RAB2A: variants seen among roughly 807,000 people sequenced by gnomAD.
The protein encoded by RAB2A is RAB2A, member RAS oncogene family.
In RAB2A, 7 loss-of-function variants were observed where a neutral mutation model predicts 32.5. That is an observed-to-expected ratio of 0.22 (90% confidence interval 0.12 to 0.40). The LOEUF is 0.40. RAB2A is among the 10% of genes least tolerant of loss of function. RAB2A has a pLI of 1.00. For synonymous variants in RAB2A, 79 were observed against 85.2 expected, an observed-to-expected ratio of 0.93 and a Z score of 0.40; for missense variants, 108 against 260.7, an observed-to-expected ratio of 0.41 and a Z score of 4.03.
chr8:60,607,176 TC>T (rs1315150605), intron 6 of RAB2A, among the ~76,000 whole-genome samples: 1 of 148,572 alleles, frequency 6.7e-6, no homozygotes, highest in Non-Finnish European at 1.5e-5. Flanking sequence ...ACACCTGTAA[TC>T]CCAGCACTTT....
At chr8:60,539,985 A>G (rs1394648273) in intron 1 of RAB2A, among the ~76,000 whole-genome samples, 1 of 151,898 alleles carries the variant, frequency 6.6e-6, no homozygotes, top group Admixed American at 6.6e-5. Context: ...TGGTGGACCT[A>G]GGGAGGTACA....
At chr8:60,612,467 CA>C (rs1804367940) in intron 6 of RAB2A, among the ~76,000 whole-genome samples, 1 of 151,992 alleles carries the variant, frequency 6.6e-6, no homozygotes, top group Non-Finnish European at 1.5e-5. Flanking sequence ...CCTAGAAATC[CA>C]ATATAATTTC....
At chr8:60,605,987 A>C (rs1445433456) in intron 6 of RAB2A, among the ~76,000 whole-genome samples, 2 of 152,114 alleles carry the variant, frequency 1.3e-5, no homozygotes, top group Admixed American at 1.3e-4. Flanking sequence ...CATCTGTACT[A>C]AAAATACAAA....
intron 7 of RAB2A, among the ~76,000 whole-genome samples, chr8:60,620,188 TG>T (rs1432685636): frequency 6.6e-6 from 1 of 152,252 alleles, no homozygotes; most frequent in African/African-American, 2.4e-5. Context: ...ACTCTGTGTG[TG>T]GGTTCTTGGC....
chr8:60,571,955 A>G, intron 2 of RAB2A, 91 bp from the exon 3 acceptor site: 1 of 843,614 alleles, frequency 1.2e-6, no homozygotes, highest in South Asian at 1.6e-5. Flanking sequence ...CTAGCATAGC[A>G]TGTCTTGGAA....
rs202149842 is a variant in RAB2A at position 60,568,522 on chromosome 8, AG to A, written c.119-3523del. On this transcript the variant is annotated intron_variant, in intron 2 of 7. Coordinates refer to ENST00000262646, the MANE Select transcript of RAB2A (RefSeq NM_002865.3). Reference sequence around the variant, plus strand: ...TTTAATCTTAAAAAAAAATCTCATGAGATAGGTATTATGAATACCATTTTAC... The same window carrying A: ...TTTAATCTTAAAAAAAAATCTCATGAATAGGTATTATGAATACCATTTTAC... 3.6e-3 allele frequency among the ~76,000 whole-genome samples: 548 copies of A among 152,354 alleles called. 9 individuals carry two copies. The highest frequency in any genetic ancestry group is 2.7e-3 in the Non-Finnish European group (186 of 68,038).
chr8:60,526,026 T>TAC (rs1322135583), intron 1 of RAB2A, among the ~76,000 whole-genome samples: 29 of 67,792 alleles, frequency 4.3e-4, no homozygotes, highest in African/African-American at 1.9e-3. Context: ...TGTACATATA[T>TAC]ATATATATAT....
At chr8:60,544,534 AT>A (rs989815863) in intron 1 of RAB2A, among the ~76,000 whole-genome samples, 18 of 120,232 alleles carry the variant, frequency 1.5e-4, no homozygotes, top group Admixed American at 4.1e-4. Context: ...TAGGAATGCT[AT>A]TTTTTTTCCC....
In RAB2A at chr8:60,622,352, A is replaced by G. The variant is rs1804541534; in HGVS notation, c.*1583A>G. On this transcript the variant is annotated 3_prime_UTR_variant, in exon 8 of 8. Transcript: ENST00000262646. Reference sequence around the variant, plus strand: ...AGCAGTACTCTCTCAAAGGTTTGACAGTACTCTTGTGGGAAATCACCAAAT... The same window carrying G: ...AGCAGTACTCTCTCAAAGGTTTGACGGTACTCTTGTGGGAAATCACCAAAT... 1.3e-5 allele frequency: 2 copies of G among 152,244 alleles called. No homozygotes were observed. Among genetic ancestry groups the G allele is most frequent in the South Asian group, 4.1e-4 (2 of 4,832 alleles). 9.4% of individuals were successfully genotyped at this position (152,244 alleles called of 1,614,324 possible).
At chr8:60,606,951 G>C (rs747235539) in intron 6 of RAB2A, among the ~76,000 whole-genome samples, 1 of 152,148 alleles carries the variant, frequency 6.6e-6, no homozygotes, top group Non-Finnish European at 1.5e-5. Flanking sequence ...CGGGGGATGC[G>C]TAACATCTCT....
At chr8:60,532,321 C>G (rs796196001) in intron 1 of RAB2A, among the ~76,000 whole-genome samples, 1 of 152,100 alleles carries the variant, frequency 6.6e-6, no homozygotes, top group African/African-American at 2.4e-5. Context: ...GTATATGTGT[C>G]CCAAATTATT....
At chr8:60,588,248 A>G (rs1225783534) in intron 5 of RAB2A, among the ~76,000 whole-genome samples, 1 of 152,182 alleles carries the variant, frequency 6.6e-6, no homozygotes, top group Non-Finnish European at 1.5e-5. Flanking sequence ...ATGCCACTGT[A>G]TTCCAGCCTA....
Position 60,540,319 on chromosome 8 carries a change from G to T in RAB2A, c.47-18533G>T, listed in dbSNP as rs78026474. On this transcript the variant is annotated intron_variant, in intron 1 of 7. Coordinates refer to ENST00000262646, the MANE Select transcript of RAB2A (RefSeq NM_002865.3). ...GTTCCTAGAGGCCTTGTCTAAGGCA[G>T]TGGTAATGAAAATAAAAGGAGGTTA... 1.4e-3 allele frequency among the ~76,000 whole-genome samples: 212 copies of T among 152,020 alleles called. 3 individuals are homozygous for T. In the East Asian group the frequency reaches 0.031, roughly 22 times the overall value.
intron 3 of RAB2A, among the ~76,000 whole-genome samples, chr8:60,582,785 G>T (rs1803783250): frequency 6.6e-6 from 1 of 152,092 alleles, no homozygotes. Context: ...TCAGACCTTG[G>T]CAGTGACCTT....
chr8:60,558,601 C>A (rs1807973362), intron 1 of RAB2A: 2 of 521,962 alleles, frequency 3.8e-6, no homozygotes, highest in South Asian at 3.5e-5. Flanking sequence ...GTGAGTTTAG[C>A]TGCCATATTT....
At chr8:60,609,549 A>G (rs568550637) in intron 6 of RAB2A, among the ~76,000 whole-genome samples, 4 of 152,288 alleles carry the variant, frequency 2.6e-5, no homozygotes, top group African/African-American at 4.8e-5. Flanking sequence ...ATTTGCTTCA[A>G]CCATGTTCTT....
At chr8:60,597,766 A>T (rs886545203) in intron 6 of RAB2A, among the ~76,000 whole-genome samples, 1 of 152,234 alleles carries the variant, frequency 6.6e-6, no homozygotes, top group Non-Finnish European at 1.5e-5. Context: ...TGGATTTTTT[A>T]AAAACTTCAG....
chr8:60,543,903 A>G (rs1807684884), intron 1 of RAB2A, among the ~76,000 whole-genome samples: 1 of 151,806 alleles, frequency 6.6e-6, no homozygotes, highest in Non-Finnish European at 1.5e-5. Flanking sequence ...CTCTACTAAA[A>G]ATACGAAAAT....
intron 6 of RAB2A, among the ~76,000 whole-genome samples, chr8:60,606,657 A>G (rs1804236619): frequency 6.6e-6 from 1 of 152,260 alleles, no homozygotes; most frequent in African/African-American, 2.4e-5. Context: ...AATAACACTA[A>G]TATACAACCA....
Sources: allele counts gnomAD v4.1 joint callset (sites outside exome capture counted in the v4.1 genomes callset), GRCh38; gene constraint gnomAD v4.1.1; transcripts MANE v1.5; gene names NCBI Gene and HGNC (gene_info 2026-07-23, HGNC 2026-07-21).